The following RORA variants were observed in gnomAD, a reference collection of about 807,000 sequenced individuals.
The protein encoded by RORA is RAR related orphan receptor A.
Under a neutral mutation model 69.5 loss-of-function variants are expected in RORA, and 7 were observed. That is an observed-to-expected ratio of 0.10 (90% confidence interval 0.06 to 0.19). The LOEUF is 0.19. Ranked by LOEUF, RORA falls within the 10% of genes least tolerant of loss-of-function variation. RORA has a pLI of 1.00. For synonymous variants in RORA, 261 were observed against 240.8 expected, an observed-to-expected ratio of 1.08 and a Z score of -0.78; for missense variants, 457 against 663.0, an observed-to-expected ratio of 0.69 and a Z score of 3.41.
rs969094920 is a variant in RORA, at chr15:61,138,851, T to TA, written c.166+90201dup. On this transcript the variant is annotated intron_variant, in intron 1 of 10. Coordinates refer to ENST00000335670, the MANE Select transcript of RORA (RefSeq NM_134261.3). Reference sequence around the variant, plus strand: ...ATAAAATAAAAAAATAAATTAAATTTAAAAAAAACACAGGCCGGGCGCAGT... The same window carrying TA: ...ATAAAATAAAAAAATAAATTAAATTTAAAAAAAAACACAGGCCGGGCGCAGT... Among the ~76,000 whole-genome samples, 10 of 151,648 alleles carry TA rather than the reference T, an allele frequency of 6.6e-5. No individual in the cohort carries two copies. In the East Asian group the frequency reaches 7.8e-4, roughly 12 times the overall value.
intron 1 of RORA, among the ~76,000 whole-genome samples, chr15:60,842,286 C>A (rs900441629): frequency 6.6e-6 from 1 of 152,146 alleles, no homozygotes; most frequent in African/African-American, 2.4e-5. Context: ...ATCATCCCTG[C>A]AGGAATATCT....
intron 1 of RORA, among the ~76,000 whole-genome samples, chr15:61,227,973 T>C (rs1216857644): frequency 6.6e-6 from 1 of 152,002 alleles, no homozygotes; most frequent in African/African-American, 2.4e-5. Context: ...AAGAGTGAGC[T>C]TTCCTCAACA....
intron 2 of RORA, among the ~76,000 whole-genome samples, chr15:60,641,796 T>C (rs1220630929): frequency 6.6e-6 from 1 of 152,164 alleles, no homozygotes; most frequent in Non-Finnish European, 1.5e-5. Context: ...ATTAGAAAAT[T>C]TTCAAACACT....
At chr15:60,770,295 G>T (rs2072054869) in intron 1 of RORA, among the ~76,000 whole-genome samples, 1 of 151,850 alleles carries the variant, frequency 6.6e-6, no homozygotes, top group Admixed American at 6.6e-5. Context: ...TTTTAATGTT[G>T]TGCCTATTAT....
At chr15:61,088,913 G>A (rs369767666) in intron 1 of RORA, among the ~76,000 whole-genome samples, 1 of 152,160 alleles carries the variant, frequency 6.6e-6, no homozygotes, top group African/African-American at 2.4e-5. Context: ...CACCATGCAG[G>A]TGAGAAACAC....
intron 1 of RORA, among the ~76,000 whole-genome samples, chr15:60,985,104 C>A (rs923293534): frequency 2.0e-5 from 3 of 152,188 alleles, no homozygotes; most frequent in African/African-American, 7.2e-5. Flanking sequence ...AATGAAGGAA[C>A]ATTCCAGGAT....
chr15:60,561,832 G>A (rs1016370739), intron 2 of RORA, among the ~76,000 whole-genome samples: 5 of 151,906 alleles, frequency 3.3e-5, no homozygotes, highest in African/African-American at 1.2e-4. Flanking sequence ...TGGTGGTGGG[G>A]GACTATTTAA....
intron 5 of RORA, among the ~76,000 whole-genome samples, chr15:60,508,373 A>G (rs545546282): frequency 6.6e-6 from 1 of 152,332 alleles, no homozygotes; most frequent in Non-Finnish European, 1.5e-5. Flanking sequence ...CATAGTGGGA[A>G]GGAACTTTAG....
intron 1 of RORA, among the ~76,000 whole-genome samples, chr15:60,693,924 T>C (rs1033320892): frequency 1.1e-4 from 16 of 152,142 alleles, no homozygotes; most frequent in African/African-American, 3.6e-4. Context: ...GATTTTTTTT[T>C]CACAGAATTA....
intron 1 of RORA, among the ~76,000 whole-genome samples, chr15:60,711,251 C>T (rs2071140179): frequency 6.6e-6 from 1 of 152,148 alleles, no homozygotes; most frequent in African/African-American, 2.4e-5. Context: ...CACTCATGGA[C>T]ACTCTGCACT....
chr15:60,680,066 A>G (rs1357160027), intron 1 of RORA, among the ~76,000 whole-genome samples: 2 of 152,218 alleles, frequency 1.3e-5, no homozygotes, highest in Non-Finnish European at 2.9e-5. Context: ...AATAACCTTT[A>G]TCGTGGGAAG....
intron 1 of RORA, among the ~76,000 whole-genome samples, chr15:60,752,399 C>CCAT (rs1449446175): frequency 6.6e-6 from 1 of 152,084 alleles, no homozygotes; most frequent in Non-Finnish European, 1.5e-5. Flanking sequence ...CGGTTGTTTT[C>CCAT]CATCTCCCAA....
chr15:60,560,635 G>A (rs573859346), intron 2 of RORA, among the ~76,000 whole-genome samples: 13 of 152,336 alleles, frequency 8.5e-5, no homozygotes, highest in Non-Finnish European at 1.6e-4. Context: ...CTTGAGCCTG[G>A]GTCACGGCTG....
rs62005634 is a variant in RORA, at chr15:61,037,169, G to A, written c.166+191884C>T. ...TTATCTTCAAAATGGGATAATGGGA[G>A]CAATGTGTAAGAATTGAAAAATATG... On this transcript the variant is annotated intron_variant, in intron 1 of 10. Coordinates refer to ENST00000335670, the MANE Select transcript of RORA (RefSeq NM_134261.3). Among the ~76,000 whole-genome samples, 492 of 152,274 alleles carry A rather than the reference G, an allele frequency of 3.2e-3. 1 individual carries two copies. The highest frequency in any genetic ancestry group is 6.8e-3 in the Middle Eastern group (2 of 294).
chr15:60,789,803 T>A (rs1200108307), intron 1 of RORA, among the ~76,000 whole-genome samples: 1 of 152,216 alleles, frequency 6.6e-6, no homozygotes, highest in African/African-American at 2.4e-5. Context: ...TTGAAGTGGG[T>A]CTACTTCTGG....
chr15:61,134,881 G>A (rs1191964028), intron 1 of RORA, among the ~76,000 whole-genome samples: 1 of 151,996 alleles, frequency 6.6e-6, no homozygotes, highest in African/African-American at 2.4e-5. Flanking sequence ...ACCGCCTATA[G>A]AATCATAGAC....
At chr15:60,789,843 A>C (rs1041225430) in intron 1 of RORA, among the ~76,000 whole-genome samples, 1 of 152,214 alleles carries the variant, frequency 6.6e-6, no homozygotes, top group Non-Finnish European at 1.5e-5. Context: ...TGCTTGTAAC[A>C]AGCATTCAAT....
At chr15:60,983,673 A>G (rs1049685435) in intron 1 of RORA, among the ~76,000 whole-genome samples, 2 of 152,172 alleles carry the variant, frequency 1.3e-5, no homozygotes, top group Non-Finnish European at 2.9e-5. Flanking sequence ...TCTTTCAACC[A>G]ATTGCCAGTC....
Position 60,665,103 on chromosome 15 carries a change from C to T in RORA, c.196+13554G>A, listed in dbSNP as rs2070361496. 2.0e-5 allele frequency among the ~76,000 whole-genome samples: 3 copies of T among 152,302 alleles called. No individual in the cohort carries two copies. In the South Asian group the frequency reaches 6.2e-4, roughly 32 times the overall value. ...GCAAGTCACGTGTTCTGACCTTGAA[C>T]AAATAAATGTCATTTCTTTCCAGAA... On this transcript the variant is annotated intron_variant, in intron 2 of 10. Transcript: ENST00000335670.
Sources: allele counts gnomAD v4.1 joint callset (sites outside exome capture counted in the v4.1 genomes callset), GRCh38; gene constraint gnomAD v4.1.1; transcripts MANE v1.5; gene names NCBI Gene and HGNC (gene_info 2026-07-23, HGNC 2026-07-21).